The following SPANXN1 variants were observed in gnomAD, a reference collection of about 807,000 sequenced individuals.
The protein encoded by SPANXN1 is SPANX family member N1.
In SPANXN1, 1 loss-of-function variant was observed where a neutral mutation model predicts 2.0. That is an observed-to-expected ratio of 0.50 (90% CI 0.18 to 2.36). The LOEUF (loss-of-function observed/expected upper bound fraction) is 2.36. SPANXN1 is among the 30% of genes most tolerant of loss of function. The pLI is 0.26. For missense variants in SPANXN1, 55 were observed against 51.8 expected (o/e 1.06, Z -0.19); for synonymous variants, 27 against 21.3 (o/e 1.27, Z -0.74).
intron 1 of SPANXN1, among the ~76,000 whole-genome samples, chrX:145,254,796 G>A (rs1351581266): frequency 8.9e-6 from 1 of 111,733 alleles, no homozygotes; most frequent in Non-Finnish European, 1.9e-5. Flanking sequence ...TGTTGCAGCA[G>A]CGCAGAAAGG....
At chrX:145,251,682 G>GTTTGTT (rs2070786382) in intron 1 of SPANXN1, among the ~76,000 whole-genome samples, 1 of 111,831 alleles carries the variant, frequency 8.9e-6, no homozygotes. Context: ...TTTTTTGTTT[G>GTTTGTT]TTTGTTTTGG....
intron 1 of SPANXN1, among the ~76,000 whole-genome samples, chrX:145,254,591 C>G (rs1189868342): frequency 8.9e-6 from 1 of 112,362 alleles, no homozygotes; most frequent in Non-Finnish European, 1.9e-5. Context: ...GCCAGAGTGG[C>G]AAGCATTCTG....
intron 1 of SPANXN1, among the ~76,000 whole-genome samples, chrX:145,248,615 A>C (rs1350310091): frequency 8.9e-6 from 1 of 111,760 alleles, no homozygotes; most frequent in African/African-American, 3.3e-5. Flanking sequence ...GCGGTTAACG[A>C]AAGTTGTAGG....
At chrX:145,255,350 G>C (rs782607879) in intron 1 of SPANXN1, among the ~76,000 whole-genome samples, 2 of 111,566 alleles carry the variant, frequency 1.8e-5, no homozygotes, top group South Asian at 7.6e-4. Flanking sequence ...CTTTAGTTGG[G>C]CCTTTGTCCG....
chrX:145,249,351 G>T (rs1279889207), intron 1 of SPANXN1, among the ~76,000 whole-genome samples: 3 of 111,029 alleles, frequency 2.7e-5, no homozygotes, highest in Admixed American at 1.9e-4. Flanking sequence ...GGAGAAAAAG[G>T]AGATTTGAGT....
At chrX:145,254,601 G>A (rs5965841) in intron 1 of SPANXN1, among the ~76,000 whole-genome samples, 6,472 of 112,282 alleles carry the variant, frequency 0.058, 465 homozygotes, top group African/African-American at 0.2. Flanking sequence ...CAAGCATTCT[G>A]AGGCTGTCCC....
Position 145,247,558 on chromosome X carries a change from C to G in SPANXN1, c.-29C>G, listed in dbSNP as rs2070766512. ...CAAGTCTGGAGTCTACAAGAGCCTACTATAGACATTCTACAACCAACCAGA... is the reference window on the plus strand; with the variant it reads ...CAAGTCTGGAGTCTACAAGAGCCTAGTATAGACATTCTACAACCAACCAGA... On this transcript the variant is annotated 5_prime_UTR_variant, in exon 1 of 2. Transcript: ENST00000370493. The G allele has an allele frequency of 8.4e-7, 1 of 1,189,868 alleles. No homozygotes were observed. Among genetic ancestry groups the G allele is most frequent in the East Asian group, 3.0e-5 (1 of 33,666 alleles).
rs145801278 is a variant in SPANXN1 at position 145,250,501 on chromosome X, A to G, written c.75+2840A>G. On this transcript the variant is annotated intron_variant, in intron 1 of 1. Coordinates refer to ENST00000370493, the MANE Select transcript of SPANXN1 (RefSeq NM_001009614.3). The stretch of plus-strand genomic sequence containing the variant: ...TGAGATGGGCAGCCATGGAGGAAGA[A>G]TATATGTATGTTTTTAAAAGCTGGA... Among the ~76,000 whole-genome samples the G allele has an allele frequency of 8.4e-3, 933 of 111,526 alleles. 10 individuals carry two copies. The highest frequency in any genetic ancestry group is 0.028 in the African/African-American group (869 of 30,587).
intron 1 of SPANXN1, among the ~76,000 whole-genome samples, chrX:145,252,557 T>C (rs1303489410): frequency 1.8e-5 from 2 of 110,901 alleles, no homozygotes; most frequent in Non-Finnish European, 3.8e-5. Context: ...TTGAGACTGA[T>C]GAAGGAAAAT....
At chrX:145,254,075 A>T (rs1256200942) in intron 1 of SPANXN1, among the ~76,000 whole-genome samples, 2 of 105,826 alleles carry the variant, frequency 1.9e-5, no homozygotes, top group Non-Finnish European at 3.9e-5. Context: ...GGTGACAGTA[A>T]GGGGGTGGAG....
rs782612717 is a variant in SPANXN1 at position 145,248,885 on chromosome X, G to A, written c.75+1224G>A. Among the ~76,000 whole-genome samples, 41 of 111,715 alleles carry A rather than the reference G, an allele frequency of 3.7e-4. 1 individual carries two copies. Among genetic ancestry groups the A allele is most frequent in the Middle Eastern group, 4.6e-3 (1 of 216 alleles). ...GCAGTTGAGGGAATTGTTTGTGCAT[G>A]TTTTCCAGGGAGCGCCCTTGAGTTG... On this transcript the variant is annotated intron_variant, in intron 1 of 1. Transcript: ENST00000370493.
intron 1 of SPANXN1, among the ~76,000 whole-genome samples, chrX:145,250,747 C>T (rs1556882419): frequency 9.0e-6 from 1 of 111,014 alleles, no homozygotes; most frequent in Admixed American, 9.5e-5. Context: ...TGCCAGGCTG[C>T]CAAATTTATT....
At chrX:145,255,328 A>T (rs150175537) in intron 1 of SPANXN1, among the ~76,000 whole-genome samples, 1,285 of 111,619 alleles carry the variant, frequency 0.012, 5 homozygotes, top group Middle Eastern at 0.019. Context: ...GCAAGATATG[A>T]TAGGGATGTT....
intron 1 of SPANXN1, among the ~76,000 whole-genome samples, chrX:145,250,625 A>AT (rs1459631839): frequency 1.8e-5 from 2 of 111,740 alleles, no homozygotes; most frequent in Non-Finnish European, 3.8e-5. Context: ...AGGTGGAACC[A>AT]TTTTTTCCTG....
intron 1 of SPANXN1, among the ~76,000 whole-genome samples, chrX:145,250,396 C>G (rs1184512748): frequency 2.7e-5 from 3 of 110,700 alleles, no homozygotes; most frequent in Admixed American, 9.7e-5. Context: ...CCTCAGGCCT[C>G]GTGTGTTGGA....
rs782601684 is a variant in SPANXN1, at chrX:145,255,760, C to A, written c.165C>A (p.Cys55Ter). The A allele has an allele frequency of 1.7e-6, 2 of 1,211,931 alleles. No individual in the cohort carries two copies. Among genetic ancestry groups the A allele is most frequent in the Non-Finnish European group, 2.2e-6 (2 of 895,534 alleles). Residue 55 changes from cysteine (C) to a stop codon, truncating the protein, a stop_gained, in exon 2 of 2, where the codon TGC becomes TGA. Transcript: ENST00000370493. LOFTEE classifies it low-confidence loss of function (END_TRUNC). ...TSEYSTVLAF[C>*]YRKAKKIHSN... The stretch of plus-strand genomic sequence containing the variant: ...AATATTCAACAGTATTAGCGTTTTG[C>A]TACAGGAAAGCTAAGAAAATACATT...
In SPANXN1 at chrX:145,247,608, A is replaced by T. The variant is rs187436783; in HGVS notation, c.22A>T (p.Ile8Phe). The T allele has an allele frequency of 2.8e-5, 34 of 1,209,219 alleles. No homozygotes were observed. Among genetic ancestry groups the T allele is most frequent in the Non-Finnish European group, 4.5e-6 (4 of 894,599 alleles). Residue 8 changes from isoleucine (I) to phenylalanine (F), a missense_variant, in exon 1 of 2, where the codon ATC becomes TTC. Physicochemically the swap from Ile to Phe is conservative, Grantham distance 21. Transcript: ENST00000370493. MEQPTSS[I>F]NGEKRKSPCE... is the part of the protein sequence containing the mutation. ...AATCATGGAACAGCCCACTTCAAGC[A>T]TCAATGGGGAGAAGAGGAAGAGCCC...
At chrX:145,250,288 T>G (rs1293544896) in intron 1 of SPANXN1, among the ~76,000 whole-genome samples, 1 of 111,178 alleles carries the variant, frequency 9.0e-6, no homozygotes, top group African/African-American at 3.3e-5. Context: ...AAAACTTTTA[T>G]TCATCCAGAG....
At chrX:145,250,160 G>A (rs5966484) in intron 1 of SPANXN1, among the ~76,000 whole-genome samples, 12,925 of 111,404 alleles carry the variant, frequency 0.12, 1,723 homozygotes, top group African/African-American at 0.38. Flanking sequence ...GCTGTTGGCT[G>A]AACTGTGAAA....
Sources: gnomAD v4.1 joint callset for allele counts (sites outside exome capture counted in the v4.1 genomes callset) on GRCh38, gnomAD v4.1.1 for gene constraint, MANE v1.5 for transcripts, NCBI Gene and HGNC (gene_info 2026-07-23, HGNC 2026-07-21) for gene names.